The following CPEB1 variants were observed in gnomAD, a reference collection of about 807,000 sequenced individuals.
CPEB1 encodes cytoplasmic polyadenylation element-binding protein 1.
A neutral mutation model predicts 65.8 loss-of-function variants in CPEB1; 7 were observed. The observed-to-expected ratio is 0.11, with a 90% CI of 0.06 to 0.20. The LOEUF is 0.20. CPEB1 is among the 10% of genes least tolerant of loss of function. The pLI, the probability that CPEB1 is intolerant of heterozygous loss-of-function variation, is 1.00. For synonymous variants in CPEB1, 262 were observed against 260.0 expected (o/e 1.01, Z -0.08); for missense variants, 551 against 712.2 (o/e 0.77, Z 2.58).
At chr15:82,611,887 T>A (rs968575030) in intron 3 of CPEB1, among the ~76,000 whole-genome samples, 3 of 151,190 alleles carry the variant, frequency 2.0e-5, no homozygotes, top group Non-Finnish European at 2.9e-5. Context: ...AAGTTTATTT[T>A]AAAAAAAAGA....
At chr15:82,556,875 A>G (rs934992938) in intron 5 of CPEB1, among the ~76,000 whole-genome samples, 1 of 152,196 alleles carries the variant, frequency 6.6e-6, no homozygotes, top group Non-Finnish European at 1.5e-5. Context: ...GCCAACTTCC[A>G]TATTCTAGGA....
chr15:82,645,164 T>G (rs2047401165), intron 1 of CPEB1, among the ~76,000 whole-genome samples: 1 of 152,232 alleles, frequency 6.6e-6, no homozygotes, highest in Admixed American at 6.5e-5. Flanking sequence ...AGTTTTGTTT[T>G]GTTTTTTGAG....
rs547572038 is a variant in CPEB1, at chr15:82,561,292, A to G, written c.461-3306T>C. Among the ~76,000 whole-genome samples, 86 of 152,348 alleles carry G rather than the reference A, an allele frequency of 5.6e-4. 1 individual carries two copies. The highest frequency in any genetic ancestry group is 7.3e-4 in the Non-Finnish European group (50 of 68,032). On this transcript the variant is annotated intron_variant, in intron 4 of 12. Transcript: ENST00000684509. ...ATGAGATTTTCAGAGACCTGGGACA[A>G]TGAGTAGGCTCTACTTGGCATAGCA... is the stretch of plus-strand genomic sequence containing the variant.
chr15:82,581,869 G>GT (rs2041314659), intron 3 of CPEB1, among the ~76,000 whole-genome samples: 1 of 152,158 alleles, frequency 6.6e-6, no homozygotes, highest in Admixed American at 6.5e-5. Flanking sequence ...GGTCCCATAG[G>GT]TAAGTATCTG....
At position 82,556,024 on chromosome 15, in the gene CPEB1, T is replaced by G; in HGVS notation, c.786A>C (p.Gln262His). ...LKMGVGSRMD[Q>H]EQAALAAVTP... The stretch of plus-strand genomic sequence containing the variant: ...TGACTGCAGCAAGAGCAGCTTGCTC[T>G]TGGTCCATCCGAGACCCTACCCCCA... Residue 262 changes from glutamine (Q) to histidine (H), a missense_variant, in exon 6 of 13, where the codon CAA becomes CAC. Physicochemically the swap from Gln to His is conservative, Grantham distance 24. Around this residue, in one of 6 missense-constraint regions of CPEB1, gnomAD observed 128 missense variants for 129.1 expected, o/e 0.99. Transcript: ENST00000684509. 6.2e-7 allele frequency: 1 copy of G among 1,613,628 alleles called. No individual in the cohort carries two copies. The highest frequency in any genetic ancestry group is 2.2e-5 in the East Asian group (1 of 44,842).
At chr15:82,595,972 G>A (rs892564102) in intron 3 of CPEB1, among the ~76,000 whole-genome samples, 11 of 152,176 alleles carry the variant, frequency 7.2e-5, no homozygotes, top group South Asian at 4.1e-4. Context: ...AGAGGGGGCC[G>A]AGGGACATGT....
intron 9 of CPEB1, among the ~76,000 whole-genome samples, chr15:82,550,189 G>A (rs999199480): frequency 1.3e-5 from 2 of 152,126 alleles, no homozygotes; most frequent in Non-Finnish European, 2.9e-5. Context: ...CGAGAGGTTG[G>A]GTAGAAAGTC....
intron 3 of CPEB1, among the ~76,000 whole-genome samples, chr15:82,582,583 C>CTCT: frequency 6.6e-6 from 1 of 152,114 alleles, no homozygotes; most frequent in Non-Finnish European, 1.5e-5. Context: ...CCCCTGACCT[C>CTCT]TCTCCCACAA....
At chr15:82,637,067 G>T (rs2151367469) in intron 1 of CPEB1, among the ~76,000 whole-genome samples, 1 of 152,190 alleles carries the variant, frequency 6.6e-6, no homozygotes, top group East Asian at 1.9e-4. Flanking sequence ...TTCTCTGGCT[G>T]CCTTGATGCA....
chr15:82,617,902 T>C (rs1269042914), intron 3 of CPEB1, among the ~76,000 whole-genome samples: 1 of 150,972 alleles, frequency 6.6e-6, no homozygotes, highest in Non-Finnish European at 1.5e-5. Context: ...CCCGGCTAAT[T>C]TTTTGTATTT....
At chr15:82,549,420 G>A (rs559266029) in intron 10 of CPEB1, 40 bp downstream of exon 10, 3 of 1,611,234 alleles carry the variant, frequency 1.9e-6, no homozygotes, top group Admixed American at 1.7e-5. Context: ...CTACTCCCAG[G>A]GGCCAACCAA....
At chr15:82,549,913 G>C (rs1291211507) in intron 9 of CPEB1, among the ~76,000 whole-genome samples, 1 of 152,062 alleles carries the variant, frequency 6.6e-6, no homozygotes, top group Non-Finnish European at 1.5e-5. Flanking sequence ...TCATGCTGGA[G>C]AGTAAGCAAA....
chr15:82,619,905 TC>T (rs1277264373), intron 3 of CPEB1, among the ~76,000 whole-genome samples: 1 of 151,682 alleles, frequency 6.6e-6, no homozygotes, highest in Non-Finnish European at 1.5e-5. Context: ...GACCCAACAA[TC>T]CCTCTCCTAG....
intron 3 of CPEB1, among the ~76,000 whole-genome samples, chr15:82,601,541 C>T (rs188062990): frequency 2.0e-5 from 3 of 152,136 alleles, no homozygotes; most frequent in East Asian, 2.0e-4. Flanking sequence ...ACCCTGTCCC[C>T]TCCACCCAAC....
At chr15:82,647,964 C>T (rs1596157931), upstream of CPEB1, 10 of 1,009,982 alleles carry the variant, frequency 9.9e-6, no homozygotes, top group Non-Finnish European at 1.1e-5. Flanking sequence ...TGCAGCGGGC[C>T]GCGCGCAGCC....
intron 1 of CPEB1, among the ~76,000 whole-genome samples, chr15:82,640,251 G>A (rs989764122): frequency 7.2e-5 from 11 of 151,790 alleles, no homozygotes; most frequent in Admixed American, 4.6e-4. Context: ...CAGCCTCCCC[G>A]GTAGCTGGTA....
chr15:82,610,687 G>GTCAC (rs2044045418), intron 3 of CPEB1, among the ~76,000 whole-genome samples: 1 of 151,990 alleles, frequency 6.6e-6, no homozygotes, highest in East Asian at 1.9e-4. Flanking sequence ...GCCGGGCCCG[G>GTCAC]TCACTCACGC....
intron 1 of CPEB1, among the ~76,000 whole-genome samples, chr15:82,632,062 A>G (rs2046299048): frequency 6.9e-6 from 1 of 145,708 alleles, no homozygotes; most frequent in Non-Finnish European, 1.5e-5. Context: ...GCTCACTGCA[A>G]GCTCCGCCTC....
intron 3 of CPEB1, among the ~76,000 whole-genome samples, chr15:82,606,055 T>C (rs2043557053): frequency 6.6e-6 from 1 of 152,138 alleles, no homozygotes; most frequent in South Asian, 2.1e-4. Flanking sequence ...AAAGACATAT[T>C]TGTAATACAT....
Sources: allele counts gnomAD v4.1 joint callset (sites outside exome capture counted in the v4.1 genomes callset), GRCh38; gene constraint gnomAD v4.1.1; regional missense constraint gnomAD v4.1.1; transcripts MANE v1.5; gene names NCBI Gene and HGNC (gene_info 2026-07-23, HGNC 2026-07-21).